Variants in PRKAR1B observed in about 807,000 individuals in gnomAD.
The protein encoded by PRKAR1B is cAMP-dependent protein kinase type I-beta regulatory subunit.
A neutral mutation model predicts 46.5 loss-of-function variants in PRKAR1B; 22 were observed. The ratio of observed to expected loss-of-function variants is 0.47; its 90% CI spans 0.34 to 0.68. The LOEUF (loss-of-function observed/expected upper bound fraction) is 0.68. PRKAR1B is among the 30% of genes least tolerant of loss of function. The probability of loss-of-function intolerance (pLI) is 0.01; values close to 1 mark genes in which losing one functional copy is unlikely to be tolerated. For synonymous variants in PRKAR1B, 259 were observed against 217.7 expected (o/e 1.19, Z -1.67); for missense variants, 445 against 535.6 (o/e 0.83, Z 1.67).
intron 9 of PRKAR1B, among the ~76,000 whole-genome samples, chr7:570,432 G>A (rs915433820): frequency 4.6e-5 from 7 of 152,062 alleles, no homozygotes; most frequent in Non-Finnish European, 7.4e-5. Context: ...GCGTAGCCTC[G>A]CCCCACCCTC....
chr7:725,257 C>A (rs1214615929), intron 1 of PRKAR1B, among the ~76,000 whole-genome samples: 1 of 151,040 alleles, frequency 6.6e-6, no homozygotes, highest in African/African-American at 2.4e-5. Context: ...CACCATTTTG[C>A]AACACGAAGA....
intron 9 of PRKAR1B, among the ~76,000 whole-genome samples, chr7:571,656 C>G (rs1318761667): frequency 1.3e-5 from 2 of 152,202 alleles, no homozygotes; most frequent in Non-Finnish European, 2.9e-5. Flanking sequence ...TTACGGGGAA[C>G]CGGCTCCCGG....
chr7:576,307 C>G (rs368548814), intron 9 of PRKAR1B, among the ~76,000 whole-genome samples: 10 of 152,228 alleles, frequency 6.6e-5, no homozygotes, highest in South Asian at 2.1e-4. Context: ...CCTCCTTCAA[C>G]GCTGGCCAGA....
chr7:718,711 T>C (rs1031070078), intron 1 of PRKAR1B, among the ~76,000 whole-genome samples: 5 of 152,036 alleles, frequency 3.3e-5, no homozygotes, highest in Non-Finnish European at 7.4e-5. Context: ...AAATACCTCC[T>C]ACTTCCCACT....
At chr7:726,390 C>T (rs1277942108) in intron 1 of PRKAR1B, among the ~76,000 whole-genome samples, 2 of 152,186 alleles carry the variant, frequency 1.3e-5, no homozygotes, top group Non-Finnish European at 2.9e-5. Flanking sequence ...CAGGTTCCTT[C>T]TCCAAGCCCC....
chr7:725,318 A>T (rs1396716113), intron 1 of PRKAR1B, among the ~76,000 whole-genome samples: 1 of 152,146 alleles, frequency 6.6e-6, no homozygotes, highest in East Asian at 1.9e-4. Flanking sequence ...AAAATTACAC[A>T]CATTCTGCCT....
chr7:561,770 G>A (rs570051546), intron 9 of PRKAR1B, among the ~76,000 whole-genome samples: 1 of 152,386 alleles, frequency 6.6e-6, no homozygotes, highest in South Asian at 2.1e-4. Flanking sequence ...TCTGGGGCCC[G>A]GCAAAGGCAC....
At chr7:615,825 C>CAAAAAA (rs71016887) in intron 4 of PRKAR1B, among the ~76,000 whole-genome samples, 1 of 94,354 alleles carries the variant, frequency 1.1e-5, no homozygotes, top group Admixed American at 1.2e-4. Context: ...AAGACTCCAT[C>CAAAAAA]AAAAAAAAAA....
intron 9 of PRKAR1B, chr7:564,964 G>A (rs1024544887): frequency 6.6e-6 from 1 of 152,222 alleles, no homozygotes; most frequent in Non-Finnish European, 1.5e-5. Flanking sequence ...GAACCCAGGA[G>A]TGACAACTGA....
intron 6 of PRKAR1B, among the ~76,000 whole-genome samples, chr7:600,910 T>G (rs1781550715): frequency 6.6e-6 from 1 of 152,236 alleles, no homozygotes; most frequent in Admixed American, 6.5e-5. Context: ...AAAAATGGAT[T>G]ATAGCTCTTG....
intron 1 of PRKAR1B, among the ~76,000 whole-genome samples, chr7:724,233 A>G (rs1303807275): frequency 6.6e-6 from 1 of 152,024 alleles, no homozygotes; most frequent in African/African-American, 2.4e-5. Context: ...TCACCTGGCT[A>G]TGTGACATGG....
At chr7:708,725 G>A (rs188398481) in intron 2 of PRKAR1B, among the ~76,000 whole-genome samples, 2 of 151,236 alleles carry the variant, frequency 1.3e-5, no homozygotes, top group East Asian at 3.9e-4. Flanking sequence ...GTGTGCAAGC[G>A]ATCCACCCTC....
At chr7:698,334 G>C (rs1039271967) in intron 2 of PRKAR1B, among the ~76,000 whole-genome samples, 3 of 152,212 alleles carry the variant, frequency 2.0e-5, no homozygotes, top group Non-Finnish European at 4.4e-5. Flanking sequence ...GGGGCAGAGT[G>C]TACACAGGAG....
At chr7:713,642 C>T (rs1433662029) in intron 1 of PRKAR1B, among the ~76,000 whole-genome samples, 1 of 152,066 alleles carries the variant, frequency 6.6e-6, no homozygotes, top group East Asian at 1.9e-4. Flanking sequence ...TACACACTCA[C>T]CGTCTCTCAC....
chr7:687,844 C>T (rs759604023), intron 2 of PRKAR1B, among the ~76,000 whole-genome samples: 8 of 152,110 alleles, frequency 5.3e-5, no homozygotes, highest in Non-Finnish European at 1.2e-4. Context: ...GCCTGTAATC[C>T]CAGGACTTTG....
At chr7:686,637 TG>T (rs1256100368) in intron 2 of PRKAR1B, among the ~76,000 whole-genome samples, 1 of 152,296 alleles carries the variant, frequency 6.6e-6, no homozygotes, top group African/African-American at 2.4e-5. Context: ...CTGACTAGGT[TG>T]TTTAGATTGA....
At chr7:592,300 C>T (rs2128454115) in intron 7 of PRKAR1B, among the ~76,000 whole-genome samples, 1 of 152,358 alleles carries the variant, frequency 6.6e-6, no homozygotes, top group Admixed American at 6.5e-5. Flanking sequence ...GGGGACCCTC[C>T]GTGACCTTAG....
chr7:647,861 C>T (rs1784703995), intron 4 of PRKAR1B, among the ~76,000 whole-genome samples: 1 of 148,858 alleles, frequency 6.7e-6, no homozygotes, highest in South Asian at 2.1e-4. Flanking sequence ...TCAGTTAGCA[C>T]CTAAAATGCT....
At chr7:583,681 ACAC>A (rs1780420277) in intron 8 of PRKAR1B, among the ~76,000 whole-genome samples, 1 of 106,880 alleles carries the variant, frequency 9.4e-6, no homozygotes, top group African/African-American at 3.8e-5. Flanking sequence ...CACACAACCC[ACAC>A]GGTGCACTCA....
Sources: gnomAD v4.1 joint callset for allele counts (sites outside exome capture counted in the v4.1 genomes callset) on GRCh38, gnomAD v4.1.1 for gene constraint, MANE v1.5 for transcripts, NCBI Gene and HGNC (gene_info 2026-07-23, HGNC 2026-07-21) for gene names.